PIGZ: variants seen among roughly 807,000 people sequenced by gnomAD.
PIGZ encodes the protein GPI alpha-1,2-mannosyltransferase 4.
A neutral mutation model predicts 16.4 loss-of-function variants in PIGZ; 16 were observed. The observed-to-expected ratio is 0.97, with a 90% confidence interval of 0.66 to 1.48. The LOEUF is 1.48. PIGZ is among the 40% of genes most tolerant of loss of function. The pLI is 0.00. For missense variants in PIGZ, 770 were observed against 739.2 expected, an observed-to-expected ratio of 1.04 and a Z score of -0.48; for synonymous variants, 409 against 338.4, an observed-to-expected ratio of 1.21 and a Z score of -2.29.
rs780172338 is a variant in PIGZ at position 196,947,915 on chromosome 3, C to A, written c.982G>T (p.Val328Leu). 2 of 1,613,824 alleles carry A rather than the reference C, an allele frequency of 1.2e-6. No individual in the cohort carries two copies. The highest frequency in any genetic ancestry group is 1.3e-5 in the African/African-American group (1 of 74,926). The change falls in exon 3 of 3, where the codon GTG becomes TTG. Residue 328 changes from valine to leucine, a missense_variant. Transcript: ENST00000412723. ...LAVNGFLLFG[V>L]LHAQALQAAW... ...GCCTGCAGGGCCTGGGCATGCAGCA[C>A]CCCGAAGAGCAGGAAGCCGTTGACT...
chr3:196,967,741 C>T (rs1009319828), intron 1 of PIGZ, among the ~76,000 whole-genome samples: 11 of 152,214 alleles, frequency 7.2e-5, no homozygotes, highest in Admixed American at 5.9e-4. Flanking sequence ...CTTCTTCCTT[C>T]GGTTGCCTGA....
At position 196,947,939 on chromosome 3, in the gene PIGZ, C is replaced by T. The variant is rs1015455701; in HGVS notation, c.958G>A (p.Val320Ile). 2 of 1,613,680 alleles carry T rather than the reference C, an allele frequency of 1.2e-6. No individual in the cohort carries two copies. The highest frequency in any genetic ancestry group is 1.7e-6 in the Non-Finnish European group (2 of 1,179,788). The part of the protein sequence containing the change: ...GTHARLTHLA[V>I]NGFLLFGVLH... ...ACCCCGAAGAGCAGGAAGCCGTTGA[C>T]TGCCAGGTGAGTGAGCCGCGCGTGC... Residue 320 changes from valine (V) to isoleucine (I), a missense_variant, in exon 3 of 3, where the codon GTC becomes ATC. Transcript: ENST00000412723.
At chr3:196,962,974 G>A (rs1320905455) in intron 1 of PIGZ, among the ~76,000 whole-genome samples, 1 of 152,192 alleles carries the variant, frequency 6.6e-6, no homozygotes, top group Non-Finnish European at 1.5e-5. Context: ...TTACCTCTGT[G>A]TCTTATTTCT....
At position 196,947,011 on chromosome 3, in the gene PIGZ, T is replaced by C. The variant is rs1049594287; in HGVS notation, c.*146A>G. On this transcript the variant is annotated 3_prime_UTR_variant, in exon 3 of 3. Transcript: ENST00000412723. Reference sequence around the variant, plus strand: ...CAGCTCACCCAGAAGGCAGAACAGCTAACAGCCATGCCCAGGAGAGGCAGC... The same window carrying C: ...CAGCTCACCCAGAAGGCAGAACAGCCAACAGCCATGCCCAGGAGAGGCAGC... The C allele has an allele frequency of 4.5e-6, 3 of 669,140 alleles. No individual in the cohort carries two copies. In the African/African-American group the frequency reaches 5.4e-5, roughly 12 times the overall value. 41.5% of individuals were successfully genotyped at this position (669,140 alleles called of 1,614,324 possible).
intron 2 of PIGZ, among the ~76,000 whole-genome samples, chr3:196,949,071 G>C (rs4916450): frequency 1.9e-4 from 17 of 88,312 alleles, no homozygotes; most frequent in Admixed American, 4.2e-4. Flanking sequence ...CCCTTCCTTC[G>C]CTTCGTTCAT....
At position 196,968,218 on chromosome 3, in the gene PIGZ, CCGAGA is replaced by C. The variant is rs1465386683; in HGVS notation, c.-1+464_-1+468del. Among the ~76,000 whole-genome samples the C allele has an allele frequency of 2.0e-5, 3 of 152,246 alleles. No individual in the cohort carries two copies. The East Asian group carries it at 5.8e-4, about 29-fold the overall frequency. On this transcript the variant is annotated intron_variant, in intron 1 of 2. Transcript: ENST00000412723. ...GAAGTGCAGCCCCCGAGGCCGGGAGCCGAGATTCTTCTCGGCTTCGTGCTCAGAGC... is the reference window on the plus strand; with the variant it reads ...GAAGTGCAGCCCCCGAGGCCGGGAGCTTCTTCTCGGCTTCGTGCTCAGAGC...
intron 1 of PIGZ, among the ~76,000 whole-genome samples, chr3:196,964,263 A>T (rs1211688234): frequency 6.8e-6 from 1 of 147,968 alleles, no homozygotes; most frequent in Non-Finnish European, 1.5e-5. Context: ...GTTAGCCAGG[A>T]TGGTCTCGAT....
chr3:196,954,977 G>A (rs963656389), intron 1 of PIGZ, among the ~76,000 whole-genome samples: 1 of 151,942 alleles, frequency 6.6e-6, no homozygotes. Context: ...CCAGTCTGGA[G>A]TGCAGTGGCA....
chr3:196,951,761 C>G (rs932728953), intron 2 of PIGZ, 60 bp downstream of exon 2: 1 of 1,543,664 alleles, frequency 6.5e-7, no homozygotes, highest in South Asian at 1.1e-5. Flanking sequence ...CAAAGTCTCC[C>G]GTCAGCTTCT....
intron 1 of PIGZ, among the ~76,000 whole-genome samples, chr3:196,960,598 GACAGAGGTTGCAGTGA>G (rs1189686686): frequency 2.6e-5 from 4 of 151,806 alleles, no homozygotes; most frequent in Non-Finnish European, 5.9e-5. Flanking sequence ...GAACCTGGGA[GACAGAGGTTGCAGTGA>G]GCCGAGATTG....
chr3:196,964,090 G>A (rs748659370), intron 1 of PIGZ, among the ~76,000 whole-genome samples: 20 of 150,640 alleles, frequency 1.3e-4, no homozygotes, highest in Admixed American at 9.9e-4. Context: ...TCACTCTGTC[G>A]CCCAGGCTGG....
intron 1 of PIGZ, among the ~76,000 whole-genome samples, chr3:196,959,963 GCAGTTTTCTTTGTTTTCT>G (rs1188333881): frequency 6.6e-6 from 1 of 152,140 alleles, no homozygotes; most frequent in African/African-American, 2.4e-5. Context: ...CATATTTTTT[GCAGTTTTCTTTGTTTTCT>G]CCTGGGAAAC....
intron 1 of PIGZ, among the ~76,000 whole-genome samples, chr3:196,966,891 G>C (rs770598714): frequency 2.6e-5 from 4 of 152,170 alleles, no homozygotes; most frequent in Non-Finnish European, 5.9e-5. Flanking sequence ...AGCCTCCTGG[G>C]GGTCGGTCGT....
At chr3:196,952,937 C>T (rs1451899408) in intron 1 of PIGZ, among the ~76,000 whole-genome samples, 1 of 152,190 alleles carries the variant, frequency 6.6e-6, no homozygotes, top group African/African-American at 2.4e-5. Context: ...ATGTCTCACA[C>T]CAGTGTGCCC....
Position 196,948,974 on chromosome 3 carries a change from T to C in PIGZ, c.212-289A>G, listed in dbSNP as rs1374271585. On this transcript the variant is annotated intron_variant, in intron 2 of 2. Transcript: ENST00000412723. ...CTCCCCTCCCTTCCTTCCCTTCCCC[T>C]CCCCTCCCTTCCCTTCCTTCCCTTT... Among the ~76,000 whole-genome samples the C allele has an allele frequency of 3.6e-3, 89 of 24,714 alleles. 12 individuals carry two copies. The highest frequency in any genetic ancestry group is 0.011 in the Admixed American group (20 of 1,868). The allele number at this position is 24,714 out of a possible 152,430, so 16.2% of individuals were successfully genotyped here. A position where few individuals can be genotyped will look rare whatever the true frequency, so the allele number is the denominator to read the frequency against.
intron 2 of PIGZ, 26 bp from the exon 3 acceptor site, chr3:196,948,711 A>T: frequency 7.0e-7 from 1 of 1,435,250 alleles, no homozygotes; most frequent in Non-Finnish European, 9.1e-7. Context: ...GAGGTGAGCC[A>T]GTACCAAGCT....
chr3:196,962,292 C>T (rs911302851), intron 1 of PIGZ, among the ~76,000 whole-genome samples: 10 of 152,082 alleles, frequency 6.6e-5, no homozygotes, highest in African/African-American at 9.7e-5. Context: ...TAAAGGTCAT[C>T]GCCATTCTCC....
intron 2 of PIGZ, 94 bp downstream of exon 2, chr3:196,951,727 C>T: frequency 8.1e-7 from 1 of 1,227,128 alleles, no homozygotes; most frequent in Non-Finnish European, 1.2e-6. Flanking sequence ...TACTCATCTA[C>T]CCAGACATGC....
In PIGZ at chr3:196,948,967, C is replaced by T. The variant is rs1304777192; in HGVS notation, c.212-282G>A. 4.2e-3 allele frequency among the ~76,000 whole-genome samples: 237 copies of T among 55,966 alleles called. 62 individuals are homozygous for T. Among genetic ancestry groups the T allele is most frequent in the African/African-American group, 0.02 (221 of 10,928 alleles). 36.7% of individuals were successfully genotyped at this position (55,966 alleles called of 152,430 possible). A position where few individuals can be genotyped will look rare whatever the true frequency, so the allele number is the denominator to read the frequency against. On this transcript the variant is annotated intron_variant, in intron 2 of 2. Transcript: ENST00000412723. ...CCTTCCCCTCCCCTCCCTTCCTTCC[C>T]TTCCCCTCCCCTCCCTTCCCTTCCT... is the stretch of plus-strand genomic sequence containing the variant.
Sources: allele counts gnomAD v4.1 joint callset (sites outside exome capture counted in the v4.1 genomes callset), GRCh38; gene constraint gnomAD v4.1.1; transcripts MANE v1.5; gene names NCBI Gene and HGNC (gene_info 2026-07-23, HGNC 2026-07-21).